Variants in GALNT13 observed in about 807,000 individuals in gnomAD.
The protein encoded by GALNT13 is UDP-GalNAc:polypeptide N-acetylgalactosaminyltransferase 13.
In GALNT13, 28 loss-of-function variants were observed where a neutral mutation model predicts 64.2. The observed-to-expected ratio is 0.44, with a 90% CI of 0.32 to 0.60. The LOEUF (loss-of-function observed/expected upper bound fraction) is 0.60. GALNT13 is among the 20% of genes least tolerant of loss of function. The pLI is 0.05. For missense variants in GALNT13, 577 were observed against 669.8 expected (o/e 0.86, Z 1.53); for synonymous variants, 214 against 224.6 (o/e 0.95, Z 0.42).
chr2:154,060,113 A>G (rs1275688416), intron 3 of GALNT13, among the ~76,000 whole-genome samples: 2 of 152,206 alleles, frequency 1.3e-5, no homozygotes, highest in Non-Finnish European at 2.9e-5. Context: ...CCCTCCACCT[A>G]TATGAGTGAA....
the GALNT13 span, among the ~76,000 whole-genome samples, chr2:153,719,644 C>T: frequency 6.6e-6 from 1 of 152,162 alleles, no homozygotes. Flanking sequence ...CATTGCCTCA[C>T]CTGGGAAGTG....
the GALNT13 span, among the ~76,000 whole-genome samples, chr2:153,106,220 C>G: frequency 6.6e-6 from 1 of 152,170 alleles, no homozygotes; most frequent in African/African-American, 2.4e-5. Context: ...AAGTTCATGG[C>G]AAAATGTATT....
intron 7 of GALNT13, among the ~76,000 whole-genome samples, chr2:154,246,759 C>T (rs1454168189): frequency 6.6e-6 from 1 of 151,984 alleles, no homozygotes; most frequent in Non-Finnish European, 1.5e-5. Flanking sequence ...CCCTAACATT[C>T]TAGAAACATA....
chr2:153,164,583 CCAT>C, the GALNT13 span, among the ~76,000 whole-genome samples: 1 of 152,032 alleles, frequency 6.6e-6, no homozygotes. Context: ...ATCTGTGACC[CCAT>C]CATCACAATC....
the GALNT13 span, among the ~76,000 whole-genome samples, chr2:153,865,130 C>G: frequency 7.9e-6 from 1 of 127,158 alleles, no homozygotes; most frequent in African/African-American, 3.0e-5. Context: ...AAACTGGATC[C>G]CTTCCTTACA....
chr2:154,379,552 CA>C (rs537328965), intron 9 of GALNT13, among the ~76,000 whole-genome samples: 1 of 152,080 alleles, frequency 6.6e-6, no homozygotes, highest in African/African-American at 2.4e-5. Flanking sequence ...GTATTTAAAA[CA>C]AACTTTAAAA....
At chr2:153,652,434 G>A in the GALNT13 span, among the ~76,000 whole-genome samples, 5 of 152,152 alleles carry the variant, frequency 3.3e-5, no homozygotes, top group South Asian at 2.1e-4. Flanking sequence ...GCCCAACATG[G>A]CAAAACCCTG....
At chr2:154,250,142 T>C (rs1689992803) in intron 7 of GALNT13, among the ~76,000 whole-genome samples, 1 of 152,098 alleles carries the variant, frequency 6.6e-6, no homozygotes, top group East Asian at 1.9e-4. Flanking sequence ...TGAAGTGCTA[T>C]AAAATATTGA....
chr2:153,350,824 G>A, the GALNT13 span, among the ~76,000 whole-genome samples: 2 of 152,114 alleles, frequency 1.3e-5, no homozygotes, highest in African/African-American at 4.8e-5. Flanking sequence ...TGCCACCCAA[G>A]TTAAGAACAA....
At chr2:153,662,166 C>A in the GALNT13 span, among the ~76,000 whole-genome samples, 1 of 152,082 alleles carries the variant, frequency 6.6e-6, no homozygotes, top group East Asian at 1.9e-4. Context: ...GTAATCTTTT[C>A]TTGGGGGCAT....
chr2:153,872,774 C>T (rs1686069277), intron 1 of GALNT13, among the ~76,000 whole-genome samples: 1 of 152,086 alleles, frequency 6.6e-6, no homozygotes, highest in Non-Finnish European at 1.5e-5. Flanking sequence ...CGACACCAGG[C>T]GCTCCCTGGG....
intron 4 of GALNT13, among the ~76,000 whole-genome samples, chr2:154,165,856 A>G (rs1203957170): frequency 6.6e-6 from 1 of 152,200 alleles, no homozygotes; most frequent in Non-Finnish European, 1.5e-5. Flanking sequence ...AAAGGATATC[A>G]CTGGGTCAAA....
chr2:153,391,734 T>A, the GALNT13 span, among the ~76,000 whole-genome samples: 3 of 151,852 alleles, frequency 2.0e-5, no homozygotes, highest in Non-Finnish European at 4.4e-5. Context: ...CGAGAGGTGT[T>A]TTTTTTAGTG....
intron 4 of GALNT13, among the ~76,000 whole-genome samples, chr2:154,168,626 A>G (rs1028203251): frequency 1.8e-4 from 26 of 147,796 alleles, no homozygotes; most frequent in East Asian, 2.0e-4. Flanking sequence ...CAAGGTCAGG[A>G]GTTCAAGACC....
At chr2:154,257,906 T>C (rs1164454442) in intron 7 of GALNT13, among the ~76,000 whole-genome samples, 1 of 152,282 alleles carries the variant, frequency 6.6e-6, no homozygotes, top group East Asian at 1.9e-4. Context: ...TATAGCAGTT[T>C]CTCACCCTTG....
the GALNT13 span, among the ~76,000 whole-genome samples, chr2:153,579,137 G>T: frequency 5.3e-4 from 81 of 152,298 alleles, no homozygotes; most frequent in African/African-American, 1.9e-3. Flanking sequence ...TTGTTGAGTG[G>T]TGGATTTTTG....
intron 3 of GALNT13, among the ~76,000 whole-genome samples, chr2:153,964,472 T>G (rs1340876309): frequency 1.3e-5 from 2 of 152,026 alleles, no homozygotes; most frequent in Admixed American, 6.6e-5. Flanking sequence ...GAACAGCATT[T>G]TCATATATTT....
the GALNT13 span, among the ~76,000 whole-genome samples, chr2:153,162,245 T>A: frequency 6.6e-6 from 1 of 152,242 alleles, no homozygotes. Context: ...GTTATTTTTT[T>A]ACTTGTTTGA....
chr2:153,270,561 G>A, the GALNT13 span, among the ~76,000 whole-genome samples: 1 of 152,168 alleles, frequency 6.6e-6, no homozygotes, highest in African/African-American at 2.4e-5. Context: ...AGTTTAAGCT[G>A]TAAAAACATA....
Sources: gnomAD v4.1 joint callset for allele counts (sites outside exome capture counted in the v4.1 genomes callset) on GRCh38, gnomAD v4.1.1 for gene constraint, MANE v1.5 for transcripts, NCBI Gene and HGNC (gene_info 2026-07-23, HGNC 2026-07-21) for gene names.